EYS: variants seen among roughly 807,000 people sequenced by gnomAD.
EYS encodes the protein protein eyes shut homolog.
Under a neutral mutation model 282.1 loss-of-function variants are expected in EYS, and 250 were observed. The observed-to-expected ratio is 0.89, with a 90% CI of 0.80 to 0.98. The LOEUF (loss-of-function observed/expected upper bound fraction) is 0.98. EYS is among the 50% of genes least tolerant of loss of function. The pLI, the probability that EYS is intolerant of heterozygous loss-of-function variation, is 0.00. For missense variants in EYS, 4,016 were observed against 3,709.0 expected (o/e 1.08, Z -2.15); for synonymous variants, 1,355 against 1,282.9 (o/e 1.06, Z -1.20).
chr6:65,002,083 A>G (rs1454506951), intron 13 of EYS, among the ~76,000 whole-genome samples: 1 of 146,706 alleles, frequency 6.8e-6, no homozygotes, highest in African/African-American at 2.4e-5. Context: ...ATCAATGTGA[A>G]CAATTTAAAT....
intron 31 of EYS, among the ~76,000 whole-genome samples, chr6:64,112,686 A>C (rs1362725547): frequency 6.6e-6 from 1 of 150,486 alleles, no homozygotes. Flanking sequence ...ATATTAAGTA[A>C]ATTTTTATTT....
In EYS at chr6:65,528,615, A is replaced by G. The variant is rs1767653339; in HGVS notation, c.-332-32622T>C. 2.0e-5 allele frequency among the ~76,000 whole-genome samples: 3 copies of G among 152,184 alleles called. No individual in the cohort carries two copies. The South Asian group carries it at 6.2e-4, about 32-fold the overall frequency. ...GGCCCAGCAAGAAGGCCCTTGACAA[A>G]TTCCAGTGTCTTGATATTGAACTTC... On this transcript the variant is annotated intron_variant, in intron 2 of 42. Coordinates refer to ENST00000503581, the MANE Select transcript of EYS (RefSeq NM_001142800.2).
At chr6:65,083,322 C>G (rs1236331588) in intron 12 of EYS, among the ~76,000 whole-genome samples, 1 of 151,902 alleles carries the variant, frequency 6.6e-6, no homozygotes, top group Non-Finnish European at 1.5e-5. Context: ...AAAATTTAAA[C>G]AGTGTATTTT....
In EYS at chr6:64,420,530, G is replaced by A. The variant is rs553653084; in HGVS notation, c.5927+15644C>T. Among the ~76,000 whole-genome samples the A allele has an allele frequency of 1.2e-4, 19 of 152,182 alleles. No homozygotes were observed. In the East Asian group the frequency reaches 2.7e-3, roughly 22 times the overall value. On this transcript the variant is annotated intron_variant, in intron 28 of 42. Transcript: ENST00000503581. ...TGCATCCACAGGCTCAACACCATAT[G>A]GAAACTGCCAAGATTTGGAGCTTAC...
At chr6:63,806,080 A>G in intron 37 of EYS, 110 bp downstream of exon 37, 1 of 914,350 alleles carries the variant, frequency 1.1e-6, no homozygotes, top group Non-Finnish European at 1.6e-6. Context: ...AGGAGGCTGC[A>G]TCTAGGCAAA....
At chr6:65,255,136 G>C (rs1161491949) in intron 12 of EYS, among the ~76,000 whole-genome samples, 5 of 151,826 alleles carry the variant, frequency 3.3e-5, no homozygotes, top group African/African-American at 1.2e-4. Context: ...TTATGCTATA[G>C]AGCTATTGTA....
intron 22 of EYS, among the ~76,000 whole-genome samples, chr6:64,690,887 AT>A: frequency 6.6e-6 from 1 of 152,176 alleles, no homozygotes; most frequent in South Asian, 2.1e-4. Context: ...TAAATGATGC[AT>A]TAATGGGTGC....
At chr6:64,828,764 G>A (rs1765132165) in intron 19 of EYS, among the ~76,000 whole-genome samples, 1 of 151,918 alleles carries the variant, frequency 6.6e-6, no homozygotes, top group African/African-American at 2.4e-5. Context: ...CCTAAGTTAT[G>A]TACTTCTTTC....
chr6:65,034,880 T>C (rs1027448436), intron 13 of EYS, among the ~76,000 whole-genome samples: 6 of 152,206 alleles, frequency 3.9e-5, no homozygotes, highest in African/African-American at 7.2e-5. Context: ...GCATTATTCC[T>C]TTACCGATAC....
intron 5 of EYS, among the ~76,000 whole-genome samples, chr6:65,462,794 G>A (rs568093807): frequency 1.3e-5 from 2 of 152,072 alleles, no homozygotes; most frequent in South Asian, 2.1e-4. Context: ...TTTTAAATAT[G>A]TATACTTTTT....
chr6:63,956,698 A>G (rs572329017), intron 35 of EYS, among the ~76,000 whole-genome samples: 3 of 152,318 alleles, frequency 2.0e-5, no homozygotes, highest in African/African-American at 7.2e-5. Context: ...GCTAATTACC[A>G]TATTCATCTT....
intron 30 of EYS, among the ~76,000 whole-genome samples, chr6:64,286,328 C>T (rs1768499023): frequency 6.6e-6 from 1 of 152,166 alleles, no homozygotes; most frequent in Non-Finnish European, 1.5e-5. Context: ...ACACATTCCT[C>T]TAACCAATAG....
rs958958951 is a variant in EYS, at chr6:65,250,329, T to TA, written c.2023+45533dup. The stretch of plus-strand genomic sequence containing the variant: ...ATTTTTCTATTTAAGTTCATTTGGC[T>TA]AAAAAAAAATAAGTCTAGGTTATAC... On this transcript the variant is annotated intron_variant, in intron 12 of 42. Coordinates refer to ENST00000503581, the MANE Select transcript of EYS (RefSeq NM_001142800.2). Among the ~76,000 whole-genome samples the TA allele has an allele frequency of 4.2e-4, 63 of 150,800 alleles. 1 individual carries two copies. Among genetic ancestry groups the TA allele is most frequent in the African/African-American group, 1.2e-3 (48 of 41,194 alleles).
chr6:64,839,394 T>G (rs2150033686), intron 19 of EYS, among the ~76,000 whole-genome samples: 1 of 152,212 alleles, frequency 6.6e-6, no homozygotes, highest in Non-Finnish European at 1.5e-5. Context: ...TTTTGTGTAC[T>G]GTGACTCTAA....
At chr6:65,391,653 G>T (rs995125159) in intron 7 of EYS, among the ~76,000 whole-genome samples, 1 of 152,020 alleles carries the variant, frequency 6.6e-6, no homozygotes, top group African/African-American at 2.4e-5. Context: ...ACAAACCACC[G>T]CTCAAGGAAA....
At chr6:64,294,786 A>G (rs781556205) in intron 30 of EYS, among the ~76,000 whole-genome samples, 33 of 152,092 alleles carry the variant, frequency 2.2e-4, no homozygotes, top group Admixed American at 5.9e-4. Context: ...TATCACTTTA[A>G]TTTAAAAAAT....
At chr6:64,924,638 C>T (rs1768455442) in intron 15 of EYS, among the ~76,000 whole-genome samples, 1 of 152,156 alleles carries the variant, frequency 6.6e-6, no homozygotes, top group African/African-American at 2.4e-5. Flanking sequence ...CTCTTGAATG[C>T]CTTGCTGCTT....
chr6:64,094,720 T>TTGA (rs1253386166), intron 31 of EYS, among the ~76,000 whole-genome samples: 12 of 151,688 alleles, frequency 7.9e-5, no homozygotes, highest in Non-Finnish European at 1.3e-4. Context: ...CCTGGATTGA[T>TTGA]TTTTTTGAAG....
intron 13 of EYS, among the ~76,000 whole-genome samples, chr6:65,014,178 A>G (rs1771972371): frequency 6.6e-6 from 1 of 152,190 alleles, no homozygotes; most frequent in East Asian, 1.9e-4. Flanking sequence ...AAGAAAGACC[A>G]GAGTTCTAAA....
Sources: gnomAD v4.1 joint callset for allele counts (sites outside exome capture counted in the v4.1 genomes callset) on GRCh38, gnomAD v4.1.1 for gene constraint, MANE v1.5 for transcripts, NCBI Gene and HGNC (gene_info 2026-07-23, HGNC 2026-07-21) for gene names.